Variants in MRPL47 observed in about 807,000 individuals in gnomAD.
The protein encoded by MRPL47 is mitochondrial ribosomal protein L47, also known as large ribosomal subunit protein uL29m.
In MRPL47, 31 loss-of-function variants were observed where a neutral mutation model predicts 34.0. The observed-to-expected ratio is 0.91, with a 90% CI of 0.68 to 1.23. The LOEUF (loss-of-function observed/expected upper bound fraction) is 1.23. Ranked by LOEUF, MRPL47 falls within the 50% of genes most tolerant of loss-of-function variation. MRPL47 has a pLI of 0.00. For synonymous variants in MRPL47, 106 were observed against 101.6 expected, an observed-to-expected ratio of 1.04 and a Z score of -0.26; for missense variants, 328 against 285.8, an observed-to-expected ratio of 1.15 and a Z score of -1.07.
At chr3:179,591,778 A>G (rs556352289) in intron 6 of MRPL47, among the ~76,000 whole-genome samples, 2 of 152,228 alleles carry the variant, frequency 1.3e-5, no homozygotes, top group Non-Finnish European at 1.5e-5. Context: ...AAGAATAGAA[A>G]GGCAATAAAA....
At chr3:179,589,143 T>C (rs1164829594) in intron 6 of MRPL47, 148 bp from the exon 7 acceptor site, 2 of 746,154 alleles carry the variant, frequency 2.7e-6, no homozygotes, top group African/African-American at 1.8e-5. Flanking sequence ...TAAACTTGAA[T>C]AGTAATCACT....
intron 1 of MRPL47, 106 bp downstream of exon 1, chr3:179,604,421 A>T: frequency 9.2e-7 from 1 of 1,085,934 alleles, no homozygotes. Flanking sequence ...TCTGCCATCC[A>T]GGCGGCCGTT....
chr3:179,589,616 A>T (rs922599769), intron 6 of MRPL47, among the ~76,000 whole-genome samples: 1 of 152,240 alleles, frequency 6.6e-6, no homozygotes, highest in Admixed American at 6.5e-5. Flanking sequence ...GGTCAATAGA[A>T]ATAAGTTTAT....
At chr3:179,601,966 C>G (rs551276012) in intron 2 of MRPL47, among the ~76,000 whole-genome samples, 176 bp from the exon 3 acceptor site, 2 of 152,304 alleles carry the variant, frequency 1.3e-5, no homozygotes, top group East Asian at 3.9e-4. Context: ...TACGAAAATA[C>G]TATTAACATG....
chr3:179,593,843 G>T lies in MRPL47; in HGVS notation c.455C>A (p.Ala152Asp). ...LDKVVQEREDALRLLQTGQER... is the reference protein window; with the variant it reads ...LDKVVQEREDDLRLLQTGQER... The stretch of plus-strand genomic sequence containing the variant: ...TTGACCAGTCTGAAGAAGCCTTAGG[G>T]CATCTTCTCTTTCCTGGACAACTTT... Residue 152 changes from alanine to aspartate, a missense_variant, in exon 5 of 7, where the codon GCC becomes GAC. Coordinates refer to ENST00000476781, the MANE Select transcript of MRPL47 (RefSeq NM_020409.3). 3 of 1,613,452 alleles carry T rather than the reference G, an allele frequency of 1.9e-6. No individual in the cohort carries two copies. Among genetic ancestry groups the T allele is most frequent in the Non-Finnish European group, 1.7e-6 (2 of 1,179,504 alleles).
intron 3 of MRPL47, among the ~76,000 whole-genome samples, chr3:179,599,989 G>T (rs927737951): frequency 3.9e-5 from 6 of 151,950 alleles, no homozygotes; most frequent in Non-Finnish European, 5.9e-5. Flanking sequence ...GCTGGGCATG[G>T]TGGTGCGTGC....
intron 2 of MRPL47, 59 bp from the exon 3 acceptor site, chr3:179,601,849 T>C: frequency 1.6e-6 from 2 of 1,263,278 alleles, no homozygotes; most frequent in Non-Finnish European, 2.3e-6. Flanking sequence ...TTTGGCAAAT[T>C]ATTTAAGCTC....
chr3:179,588,906 T>C lies in MRPL47; in HGVS notation c.719A>G (p.His240Arg), dbSNP rs954878874. 4 of 1,613,734 alleles carry C rather than the reference T, an allele frequency of 2.5e-6. No individual in the cohort carries two copies. The Admixed American group carries it at 5.0e-5, about 20-fold the overall frequency. Residue 240 changes from histidine to arginine, a missense_variant, in exon 7 of 7, where the codon CAT becomes CGT. Physicochemically the swap from His to Arg is conservative, Grantham distance 29 (BLOSUM62 0). Transcript: ENST00000476781. The part of the protein sequence containing the change: ...KAKILLKKFP[H>R]LAEAQKSSLV ...ACTTGACTTTTGGGCTTCAGCAAGA[T>C]GTGGAAACTTTTTTAAAAGAATTTT... is the stretch of plus-strand genomic sequence containing the variant.
chr3:179,588,869 A>G lies in MRPL47; in HGVS notation c.*3T>C. The G allele has an allele frequency of 6.2e-7, 1 of 1,612,504 alleles. No individual in the cohort carries two copies. The highest frequency in any genetic ancestry group is 2.2e-5 in the East Asian group (1 of 44,824). On this transcript the variant is annotated 3_prime_UTR_variant, in exon 7 of 7. Coordinates refer to ENST00000476781, the MANE Select transcript of MRPL47 (RefSeq NM_020409.3). ...AAATGGTAAATTTAATAGTTCAGAC[A>G]TCTTAGACAAGACTTGACTTTTGGG... is the stretch of plus-strand genomic sequence containing the variant.
At chr3:179,595,049 T>G (rs1215856486) in intron 4 of MRPL47, among the ~76,000 whole-genome samples, 3 of 152,126 alleles carry the variant, frequency 2.0e-5, no homozygotes, top group Admixed American at 6.5e-5. Flanking sequence ...ATAATCAGTT[T>G]TGTTTTTGTT....
intron 4 of MRPL47, among the ~76,000 whole-genome samples, chr3:179,596,226 G>GAT (rs1192403505): frequency 1.3e-5 from 2 of 152,054 alleles, no homozygotes; most frequent in African/African-American, 4.8e-5. Flanking sequence ...GCTTCAACTG[G>GAT]ATATCAACTC....
At chr3:179,592,428 T>G in intron 6 of MRPL47, among the ~76,000 whole-genome samples, 1 of 149,518 alleles carries the variant, frequency 6.7e-6, no homozygotes, top group East Asian at 2.0e-4. Flanking sequence ...TCGCCTGACC[T>G]CGTGATCCAC....
chr3:179,596,424 A>G (rs1003639046), intron 4 of MRPL47, among the ~76,000 whole-genome samples: 2 of 152,232 alleles, frequency 1.3e-5, no homozygotes, highest in Non-Finnish European at 2.9e-5. Context: ...TGAAAAAATT[A>G]TGGTCACTTT....
chr3:179,598,846 A>G, intron 3 of MRPL47, 75 bp from the exon 4 acceptor site: 3 of 1,081,920 alleles, frequency 2.8e-6, no homozygotes, highest in Admixed American at 1.8e-5. Flanking sequence ...TGACATCAAA[A>G]TTAATTATCT....
At chr3:179,604,293 C>G (rs1424282963) in intron 1 of MRPL47, among the ~76,000 whole-genome samples, 1 of 152,198 alleles carries the variant, frequency 6.6e-6, no homozygotes, top group African/African-American at 2.4e-5. Flanking sequence ...TGGACATCTA[C>G]AAACCCCATA....
At chr3:179,601,370 G>A (rs1718921921) in intron 3 of MRPL47, among the ~76,000 whole-genome samples, 1 of 152,148 alleles carries the variant, frequency 6.6e-6, no homozygotes. Context: ...CTGTACCACT[G>A]CACTCCAGCC....
chr3:179,600,849 T>C (rs985292987), intron 3 of MRPL47, among the ~76,000 whole-genome samples: 1 of 152,120 alleles, frequency 6.6e-6, no homozygotes, highest in African/African-American at 2.4e-5. Flanking sequence ...ACAGGTCTCA[T>C]TATTCAAGAG....
At chr3:179,600,650 A>G (rs1464044940) in intron 3 of MRPL47, among the ~76,000 whole-genome samples, 1 of 152,140 alleles carries the variant, frequency 6.6e-6, no homozygotes, top group Non-Finnish European at 1.5e-5. Context: ...TCAAAAAGAT[A>G]AAATAAAAAA....
rs1299016942 is a variant in MRPL47 at position 179,592,631 on chromosome 3, T to A, written c.629+13A>T. 1 of 1,518,018 alleles carries A rather than the reference T, an allele frequency of 6.6e-7. No homozygotes were observed. The highest frequency in any genetic ancestry group is 9.1e-7 in the Non-Finnish European group (1 of 1,093,118). 94.0% of individuals were successfully genotyped at this position (1,518,018 alleles called of 1,614,324 possible). The stretch of plus-strand genomic sequence containing the variant: ...TAAAGATAATATGTTTTATTAAAGG[T>A]GCTTGTGCTCACCTGAGAAAATGGT... On this transcript the variant is annotated intron_variant, in intron 6 of 6. Coordinates refer to ENST00000476781, the MANE Select transcript of MRPL47 (RefSeq NM_020409.3).
Sources: gnomAD v4.1 joint callset for allele counts (sites outside exome capture counted in the v4.1 genomes callset) on GRCh38, gnomAD v4.1.1 for gene constraint, MANE v1.5 for transcripts, NCBI Gene and HGNC (gene_info 2026-07-23, HGNC 2026-07-21) for gene names.